PAX3: variants seen among roughly 807,000 people sequenced by gnomAD.
The protein encoded by PAX3 is paired box 3.
In PAX3, 14 loss-of-function variants were observed where a neutral mutation model predicts 51.6. That is an observed-to-expected ratio of 0.27 (90% CI 0.18 to 0.42). PAX3 has a LOEUF of 0.42. Among genes scored for constraint, PAX3 ranks in the 10% least tolerant of loss-of-function variants. The pLI, the probability that PAX3 is intolerant of heterozygous loss-of-function variation, is 1.00. For missense variants in PAX3, 540 were observed against 642.8 expected (o/e 0.84, Z 1.73); for synonymous variants, 280 against 253.4 (o/e 1.11, Z -1.00).
chr2:222,216,542 T>C (rs1574640346), intron 7 of PAX3, among the ~76,000 whole-genome samples: 1 of 152,200 alleles, frequency 6.6e-6, no homozygotes, highest in Non-Finnish European at 1.5e-5. Context: ...CCTGAGACAC[T>C]GCTTCACACC....
chr2:222,259,388 G>A (rs956652144), intron 4 of PAX3, among the ~76,000 whole-genome samples: 1 of 152,132 alleles, frequency 6.6e-6, no homozygotes, highest in Admixed American at 6.5e-5. Flanking sequence ...AGATCAAAAG[G>A]TAAGGCCAAG....
chr2:222,238,081 T>C (rs898088965), intron 4 of PAX3, among the ~76,000 whole-genome samples: 10 of 152,154 alleles, frequency 6.6e-5, no homozygotes, highest in Non-Finnish European at 1.3e-4. Context: ...AAGATTACAC[T>C]TGGGAAAATG....
At chr2:222,259,623 C>T (rs1477337378) in intron 4 of PAX3, among the ~76,000 whole-genome samples, 4 of 152,076 alleles carry the variant, frequency 2.6e-5, no homozygotes, top group Non-Finnish European at 4.4e-5. Flanking sequence ...AGAGTTGATA[C>T]ACAATTTAGC....
Position 222,220,170 on chromosome 2 carries a change from G to T in PAX3, c.1143C>A (p.Asn381Lys), listed in dbSNP as rs780344754. Residue 381 changes from asparagine (N) to lysine (K), a missense_variant, in exon 7 of 9, where the codon AAC (asparagine) becomes AAA (lysine). By Grantham distance (94) the Asn-to-Lys change is moderately conservative. Around this residue, in one of 3 missense-constraint regions of PAX3, gnomAD observed 427 missense variants for 483.6 expected, o/e 0.88. Coordinates refer to ENST00000392070, the MANE Select transcript of PAX3 (RefSeq NM_181458.4). ...GTGAGAGGCCATTGCCAATGGTGGG[G>T]TTCATGGGGTTGGAGGGCCCCGACG... Reference protein sequence around the residue: ...VPPSGPSNPMNPTIGNGLSPQ... With the variant: ...VPPSGPSNPMKPTIGNGLSPQ... 2 of 1,613,852 alleles carry T rather than the reference G, an allele frequency of 1.2e-6. No homozygotes were observed. Among genetic ancestry groups the T allele is most frequent in the Admixed American group, 1.7e-5 (1 of 60,012 alleles).
intron 4 of PAX3, chr2:222,262,400 C>T (rs1325990574): frequency 1.3e-5 from 2 of 152,054 alleles, no homozygotes; most frequent in Non-Finnish European, 2.9e-5. Flanking sequence ...ATACTTTACT[C>T]AACCCCCCCT....
At chr2:222,206,371 T>G (rs561200531) in intron 7 of PAX3, among the ~76,000 whole-genome samples, 1 of 152,244 alleles carries the variant, frequency 6.6e-6, no homozygotes, top group South Asian at 2.1e-4. Flanking sequence ...TCTTTCTTTT[T>G]ACTTTTAGTT....
chr2:222,265,646 A>AGGAAGGAAG (rs1553583543), intron 4 of PAX3, among the ~76,000 whole-genome samples: 1 of 109,182 alleles, frequency 9.2e-6, no homozygotes, highest in Non-Finnish European at 1.9e-5. Flanking sequence ...ATCAAAAAAA[A>AGGAAGGAAG]GAAGGAAGGA....
intron 4 of PAX3, among the ~76,000 whole-genome samples, chr2:222,280,237 GAGAAAGAA>G (rs908363719): frequency 7.2e-6 from 1 of 139,784 alleles, no homozygotes; most frequent in African/African-American, 2.6e-5. Flanking sequence ...GAGAGAGAGG[GAGAAAGAA>G]AGAAAGAGAA....
At chr2:222,216,858 T>A (rs1176390210) in intron 7 of PAX3, among the ~76,000 whole-genome samples, 1 of 152,112 alleles carries the variant, frequency 6.6e-6, no homozygotes, top group Non-Finnish European at 1.5e-5. Flanking sequence ...TGGCAAACAA[T>A]ACATCAATTT....
chr2:222,263,456 A>T (rs1469641486), intron 4 of PAX3: 1 of 152,160 alleles, frequency 6.6e-6, no homozygotes, highest in Non-Finnish European at 1.5e-5. Context: ...ATGGCAAAAT[A>T]AAAAAATATT....
At chr2:222,218,398 G>A (rs1260935821) in intron 7 of PAX3, among the ~76,000 whole-genome samples, 2 of 152,078 alleles carry the variant, frequency 1.3e-5, no homozygotes, top group African/African-American at 4.8e-5. Context: ...ATAGAATACA[G>A]GTTCTTATTA....
At chr2:222,232,764 TG>T (rs1256013937) in intron 4 of PAX3, among the ~76,000 whole-genome samples, 1 of 152,240 alleles carries the variant, frequency 6.6e-6, no homozygotes, top group African/African-American at 2.4e-5. Flanking sequence ...TTATGAAATC[TG>T]TTAAATGTGA....
intron 4 of PAX3, among the ~76,000 whole-genome samples, chr2:222,237,181 G>A (rs969529140): frequency 6.6e-6 from 1 of 152,170 alleles, no homozygotes; most frequent in East Asian, 1.9e-4. Context: ...ACAGAAAAAG[G>A]AAACTGAGAC....
intron 4 of PAX3, among the ~76,000 whole-genome samples, chr2:222,239,329 GT>G (rs5838942): frequency 3.6e-4 from 54 of 149,874 alleles, no homozygotes; most frequent in Admixed American, 1.9e-3. Flanking sequence ...GTTGGGGTGG[GT>G]TTTTTTTTCA....
intron 4 of PAX3, among the ~76,000 whole-genome samples, chr2:222,255,595 T>C (rs1693608191): frequency 6.6e-6 from 1 of 152,232 alleles, no homozygotes; most frequent in South Asian, 2.1e-4. Flanking sequence ...ATTTTACATA[T>C]AGGAACTCAG....
At chr2:222,203,044 T>TATATATATATATATATAC (rs1559250419) in intron 7 of PAX3, among the ~76,000 whole-genome samples, 1 of 123,500 alleles carries the variant, frequency 8.1e-6, no homozygotes, top group Non-Finnish European at 1.7e-5. Flanking sequence ...TATATATATA[T>TATATATATATATATATAC]ATATATATAT....
chr2:222,290,867 A>C (rs1468355656), intron 4 of PAX3, among the ~76,000 whole-genome samples: 1 of 151,988 alleles, frequency 6.6e-6, no homozygotes, highest in African/African-American at 2.4e-5. Context: ...TCTTTAAAAT[A>C]AGAAAAAAAT....
At chr2:222,294,413 C>A in intron 3 of PAX3, 112 bp from the exon 4 acceptor site, 1 of 1,152,036 alleles carries the variant, frequency 8.7e-7, no homozygotes, top group Non-Finnish European at 1.3e-6. Flanking sequence ...AGAGCCGCTG[C>A]CCTGCACTGC....
At chr2:222,211,299 G>C (rs564205384) in intron 7 of PAX3, among the ~76,000 whole-genome samples, 29 of 152,248 alleles carry the variant, frequency 1.9e-4, no homozygotes, top group African/African-American at 5.3e-4. Context: ...GAACAAGAAG[G>C]TACAGAAGAA....
Sources: gnomAD v4.1 joint callset for allele counts (sites outside exome capture counted in the v4.1 genomes callset) on GRCh38, gnomAD v4.1.1 for gene constraint, gnomAD v4.1.1 regional missense constraint, MANE v1.5 for transcripts, NCBI Gene and HGNC (gene_info 2026-07-23, HGNC 2026-07-21) for gene names.